The following EPAS1 variants were observed in gnomAD, a reference collection of about 807,000 sequenced individuals.
The protein encoded by EPAS1 is endothelial PAS domain-containing protein 1.
A neutral mutation model predicts 87.9 loss-of-function variants in EPAS1; 23 were observed. The ratio of observed to expected loss-of-function variants is 0.26; its 90% CI spans 0.19 to 0.37. The LOEUF (loss-of-function observed/expected upper bound fraction) is 0.37. Among genes scored for constraint, EPAS1 ranks in the 10% least tolerant of loss-of-function variants. EPAS1 has a pLI of 1.00. For synonymous variants in EPAS1, 508 were observed against 444.3 expected, an observed-to-expected ratio of 1.14 and a Z score of -1.80; for missense variants, 1,138 against 1,120.7, an observed-to-expected ratio of 1.02 and a Z score of -0.22.
rs201311893 is a variant in EPAS1, at chr2:46,380,330, C to T, written c.1658C>T (p.Ala553Val). The part of the protein sequence containing the change: ...SPICPEERLL[A>V]ENPQSTPQHC... ...ATCTGCCCCGAGGAGCGGCTCTTGG[C>T]GGAGAACCCACAGTCCACCCCCCAG... Residue 553 changes from alanine (A) to valine (V), a missense_variant, in exon 12 of 16, where the codon GCG becomes GTG. This residue lies in a region of EPAS1 where 502 missense variants were observed against 427.1 expected (regional missense o/e 1.18). Coordinates refer to ENST00000263734, the MANE Select transcript of EPAS1 (RefSeq NM_001430.5). This position sits in a 1 kb window ranked among gnomAD's most constrained non-coding sequence, Gnocchi z 4.4. The T allele has an allele frequency of 9.7e-5, 156 of 1,614,068 alleles. No individual in the cohort carries two copies. The highest frequency in any genetic ancestry group is 1.7e-4 in the Middle Eastern group (1 of 6,060).
chr2:46,369,495 AAC>A (rs970022756), intron 6 of EPAS1, among the ~76,000 whole-genome samples: 1 of 152,138 alleles, frequency 6.6e-6, no homozygotes, highest in Non-Finnish European at 1.5e-5. Flanking sequence ...CATCTGCAAA[AAC>A]TTGGGGTGAG....
intron 6 of EPAS1, among the ~76,000 whole-genome samples, chr2:46,367,266 G>A (rs994215543): frequency 2.0e-5 from 3 of 152,196 alleles, no homozygotes; most frequent in Non-Finnish European, 4.4e-5. Context: ...AATCTCGAAA[G>A]GAAATTTAAT....
rs1052075936 is a variant in EPAS1 at position 46,382,562 on chromosome 2, C to A, written c.2425C>A (p.Gln809Lys). The change falls in exon 15 of 16, where the codon CAG becomes AAG. Residue 809 changes from glutamine to lysine, a missense_variant. Around this residue, in one of 4 missense-constraint regions of EPAS1, gnomAD observed 502 missense variants for 427.1 expected, o/e 1.18. Transcript: ENST00000263734. ...CCCACAGTGCTACGCCACCCAGTACCAGGACTACAGCCTGTCGTCAGCCCA... is the reference window on the plus strand; with the variant it reads ...CCCACAGTGCTACGCCACCCAGTACAAGGACTACAGCCTGTCGTCAGCCCA... ...FPPQCYATQY[Q>K]DYSLSSAHKV... The A allele has an allele frequency of 6.2e-7, 1 of 1,614,134 alleles. No homozygotes were observed. The highest frequency in any genetic ancestry group is 1.6e-4 in the Middle Eastern group (1 of 6,062).
intron 6 of EPAS1, among the ~76,000 whole-genome samples, chr2:46,362,652 G>C (rs1684416912): frequency 6.6e-6 from 1 of 152,162 alleles, no homozygotes; most frequent in South Asian, 2.1e-4. Flanking sequence ...TCATGGGAGG[G>C]ACCCTCCTCT....
chr2:46,369,261 A>T (rs537611104), intron 6 of EPAS1, among the ~76,000 whole-genome samples: 31 of 152,336 alleles, frequency 2.0e-4, no homozygotes, highest in African/African-American at 7.5e-4. Context: ...GTTTAAGCAC[A>T]GACGGGTTCT....
In EPAS1 at chr2:46,300,059, C is replaced by A. The variant is rs1682966695; in HGVS notation, c.26+2122C>A. 6.6e-6 allele frequency among the ~76,000 whole-genome samples: 1 copy of A among 152,106 alleles called. No homozygotes were observed. The highest frequency in any genetic ancestry group is 6.5e-5 in the Admixed American group (1 of 15,288). On this transcript the variant is annotated intron_variant, in intron 1 of 15. Coordinates refer to ENST00000263734, the MANE Select transcript of EPAS1 (RefSeq NM_001430.5). This position sits in a 1 kb window ranked among gnomAD's most constrained non-coding sequence, Gnocchi z 4.1. ...GGGCAAACAGCGTGTCCTTCACCATCTAGAGCCCCTTAAGGGGTTGTCCAA... is the reference window on the plus strand; with the variant it reads ...GGGCAAACAGCGTGTCCTTCACCATATAGAGCCCCTTAAGGGGTTGTCCAA...
chr2:46,373,756 T>C (rs1684675420), intron 7 of EPAS1, among the ~76,000 whole-genome samples: 1 of 152,222 alleles, frequency 6.6e-6, no homozygotes, highest in Non-Finnish European at 1.5e-5. Flanking sequence ...GGTGTGTGTT[T>C]TATTGAAGGT....
intron 1 of EPAS1, among the ~76,000 whole-genome samples, chr2:46,340,570 A>G (rs897573707): frequency 1.8e-4 from 27 of 152,176 alleles, no homozygotes; most frequent in African/African-American, 6.0e-4. Flanking sequence ...TATCTCCCAG[A>G]TGGGCTGTGG....
intron 1 of EPAS1, among the ~76,000 whole-genome samples, chr2:46,305,233 C>T (rs549398548): frequency 2.6e-5 from 4 of 152,286 alleles, no homozygotes; most frequent in Non-Finnish European, 4.4e-5. Flanking sequence ...AGAAGAGTGG[C>T]GAGACCCTTT....
chr2:46,324,122 G>A (rs575515378), intron 1 of EPAS1, among the ~76,000 whole-genome samples: 5 of 152,270 alleles, frequency 3.3e-5, no homozygotes, highest in South Asian at 2.1e-4. Context: ...GCTGGAGTGC[G>A]GTGGTGCGAT....
intron 1 of EPAS1, among the ~76,000 whole-genome samples, chr2:46,331,914 C>T (rs1489695231): frequency 6.6e-6 from 1 of 152,118 alleles, no homozygotes; most frequent in African/African-American, 2.4e-5. Flanking sequence ...TAAAGTCTTT[C>T]TCTGCTGCTG....
chr2:46,343,796 T>C (rs1195676956), intron 1 of EPAS1, among the ~76,000 whole-genome samples: 1 of 152,194 alleles, frequency 6.6e-6, no homozygotes, highest in Non-Finnish European at 1.5e-5. Flanking sequence ...GTGAAAAGAG[T>C]ATTCGCCTAG....
Position 46,381,992 on chromosome 2 carries a change from C to T in EPAS1, c.2190C>T (p.Gly730=). ...ACTCCCAGGGGGACCCACCTGGTGG[C>T]AGCACCTCACATTTGATGTGGAAAC... ...QDLSGGDPPG[G]STSHLMWKRM... Residue 730 remains glycine (G), a synonymous_variant, in exon 14 of 16, where the codon GGC becomes GGT. Transcript: ENST00000263734. 3 of 1,508,874 alleles carry T rather than the reference C, an allele frequency of 2.0e-6. No individual in the cohort carries two copies. Among genetic ancestry groups the T allele is most frequent in the Non-Finnish European group, 2.7e-6 (3 of 1,113,530 alleles). The allele number at this position is 1,508,874 out of a possible 1,614,324, so 93.5% of individuals were successfully genotyped here.
chr2:46,356,127 T>TGGGGGGGGGGGGGGCGG, intron 2 of EPAS1, 24 bp from the exon 3 acceptor site: 2 of 1,395,468 alleles, frequency 1.4e-6, no homozygotes, highest in South Asian at 1.2e-5. Flanking sequence ...TCATGCAAGC[T>TGGGGGGGGGGGGGGCGG]GTCCCACCCC....
At chr2:46,301,401 C>A (rs1233777454) in intron 1 of EPAS1, among the ~76,000 whole-genome samples, 2 of 151,832 alleles carry the variant, frequency 1.3e-5, no homozygotes, top group Non-Finnish European at 2.9e-5. Context: ...ATGGTGAAAC[C>A]CCGTCTCTAT....
chr2:46,331,239 CT>C (rs1456964536), intron 1 of EPAS1, among the ~76,000 whole-genome samples: 1 of 152,234 alleles, frequency 6.6e-6, no homozygotes, highest in East Asian at 1.9e-4. Context: ...CTCAGTGTGT[CT>C]CCCTGACTGG....
intron 6 of EPAS1, 88 bp from the exon 7 acceptor site, chr2:46,369,739 T>C (rs1684585403): frequency 2.2e-6 from 2 of 895,942 alleles, no homozygotes; most frequent in Non-Finnish European, 3.6e-6. Flanking sequence ...GTGTGTTTGA[T>C]TTGCCTTCTG....
intron 1 of EPAS1, among the ~76,000 whole-genome samples, chr2:46,336,158 C>T (rs1362138126): frequency 2.0e-5 from 3 of 152,132 alleles, no homozygotes; most frequent in African/African-American, 7.2e-5. Flanking sequence ...TTCTTTCCTC[C>T]TTGAGAGGGA....
At chr2:46,318,400 G>A (rs66509167) in intron 1 of EPAS1, among the ~76,000 whole-genome samples, 67,128 of 151,978 alleles carry the variant, frequency 0.44, 15,475 homozygotes, top group East Asian at 0.6. Context: ...CCAAAATGTG[G>A]CACAGATATG....
Sources: allele counts gnomAD v4.1 joint callset (sites outside exome capture counted in the v4.1 genomes callset), GRCh38; gene constraint gnomAD v4.1.1; regional missense constraint gnomAD v4.1.1; non-coding constraint Gnocchi (gnomAD v3.1); transcripts MANE v1.5; gene names NCBI Gene and HGNC (gene_info 2026-07-23, HGNC 2026-07-21).